KAZN: variants seen among roughly 807,000 people sequenced by gnomAD.
The protein encoded by KAZN is kazrin.
In KAZN, 40 loss-of-function variants were observed where a neutral mutation model predicts 87.4. The ratio of observed to expected loss-of-function variants is 0.46; its 90% confidence interval spans 0.36 to 0.60. The LOEUF is 0.60. Ranked by LOEUF, KAZN falls within the 20% of genes least tolerant of loss-of-function variation. The probability of loss-of-function intolerance (pLI) is 0.00; values close to 1 mark genes in which losing one functional copy is unlikely to be tolerated. For missense variants in KAZN, 898 were observed against 1,073.9 expected (o/e 0.84, Z 2.29); for synonymous variants, 466 against 458.3 (o/e 1.02, Z -0.22).
chr1:14,357,936 A>C (rs899061872), intron 2 of KAZN, among the ~76,000 whole-genome samples: 1 of 152,192 alleles, frequency 6.6e-6, no homozygotes, highest in Non-Finnish European at 1.5e-5. Flanking sequence ...AGCTGGCCTC[A>C]TTAAATTAGT....
chr1:13,895,323 G>A (rs1638995148), intron 1 of KAZN, among the ~76,000 whole-genome samples: 1 of 152,128 alleles, frequency 6.6e-6, no homozygotes, highest in South Asian at 2.1e-4. Flanking sequence ...AGGTTCCCTT[G>A]CCTTGCCTTT....
At chr1:15,001,838 C>T (rs993614359) in intron 2 of KAZN, among the ~76,000 whole-genome samples, 8 of 135,426 alleles carry the variant, frequency 5.9e-5, no homozygotes, top group East Asian at 2.3e-4. Context: ...ATTCTTCTGG[C>T]GATGTCCCTC....
intron 1 of KAZN, among the ~76,000 whole-genome samples, chr1:13,935,121 C>T (rs1012797970): frequency 1.3e-5 from 2 of 152,018 alleles, no homozygotes; most frequent in Non-Finnish European, 2.9e-5. Flanking sequence ...CCTGTAATCC[C>T]AGCTACTCGG....
chr1:14,023,432 G>GT (rs1640932883), intron 1 of KAZN, among the ~76,000 whole-genome samples: 1 of 152,174 alleles, frequency 6.6e-6, no homozygotes, highest in East Asian at 1.9e-4. Flanking sequence ...CTATGAGGAG[G>GT]TTTTATTAAC....
At chr1:14,075,790 G>A (rs201936660) in intron 1 of KAZN, among the ~76,000 whole-genome samples, 23 of 152,146 alleles carry the variant, frequency 1.5e-4, no homozygotes, top group Non-Finnish European at 2.9e-4. Flanking sequence ...TACACTGTAG[G>A]ATGTTTAGCA....
intron 2 of KAZN, among the ~76,000 whole-genome samples, chr1:14,187,965 T>C (rs1031114845): frequency 2.6e-5 from 4 of 152,146 alleles, no homozygotes; most frequent in Non-Finnish European, 5.9e-5. Context: ...TGCCAGCCTA[T>C]GGGGGAAACA....
intron 1 of KAZN, among the ~76,000 whole-genome samples, chr1:14,649,342 G>A (rs925011210): frequency 2.2e-5 from 3 of 139,124 alleles, no homozygotes; most frequent in Non-Finnish European, 3.2e-5. Context: ...TTTTACTGAT[G>A]GGGAATTAAG....
chr1:14,532,772 C>G (rs1008526618), intron 2 of KAZN, among the ~76,000 whole-genome samples: 1 of 151,840 alleles, frequency 6.6e-6, no homozygotes, highest in South Asian at 2.1e-4. Context: ...TTTCCAGTTT[C>G]ATCCATGTCC....
At chr1:14,117,754 T>A (rs1644659771) in intron 1 of KAZN, among the ~76,000 whole-genome samples, 1 of 152,160 alleles carries the variant, frequency 6.6e-6, no homozygotes, top group Admixed American at 6.5e-5. Context: ...CCCTAGTAAG[T>A]AAGACTGGTG....
intron 1 of KAZN, among the ~76,000 whole-genome samples, chr1:14,139,072 G>C (rs753304362): frequency 5.9e-5 from 9 of 152,158 alleles, no homozygotes; most frequent in Admixed American, 6.5e-5. Flanking sequence ...TGCCCATAGA[G>C]AGCACATTCG....
At position 14,268,361 on chromosome 1, in the gene KAZN, TTAA is replaced by T. The variant is rs1436492400; in HGVS notation, c.249+87773_249+87775del. ...ATATCCTCAGATGAATAGATTGAAG[TTAA>T]TAAGGTGAAAGAAATCCTCAGAAGA... On this transcript the variant is annotated intron_variant, in intron 2 of 16. Transcript: ENST00000636203. 4.0e-5 allele frequency among the ~76,000 whole-genome samples: 6 copies of T among 151,894 alleles called. No homozygotes were observed. In the East Asian group the frequency reaches 9.7e-4, roughly 25 times the overall value.
In KAZN at chr1:14,555,352, T is replaced by A. The variant is rs531469116; in HGVS notation, c.250-43631T>A. Among the ~76,000 whole-genome samples the A allele has an allele frequency of 3.3e-5, 5 of 152,334 alleles. No homozygotes were observed. The South Asian group carries it at 1.0e-3, about 32-fold the overall frequency. On this transcript the variant is annotated intron_variant, in intron 2 of 16. Coordinates refer to the KAZN transcript ENST00000636203. ...CAAAAGGGACATTTAGCAATTACAGTAATAGTGATTTGCCATTGGCACATT... is the reference window on the plus strand; with the variant it reads ...CAAAAGGGACATTTAGCAATTACAGAAATAGTGATTTGCCATTGGCACATT...
chr1:14,677,349 A>G (rs1487378873), intron 1 of KAZN, among the ~76,000 whole-genome samples: 1 of 152,148 alleles, frequency 6.6e-6, no homozygotes, highest in Non-Finnish European at 1.5e-5. Context: ...GGTTCTTAGG[A>G]CTTCACTGGT....
chr1:14,729,223 G>A (rs182723041), intron 1 of KAZN, among the ~76,000 whole-genome samples: 1 of 152,170 alleles, frequency 6.6e-6, no homozygotes, highest in Non-Finnish European at 1.5e-5. Context: ...TGGGGAAAAG[G>A]CCAGGCTGTC....
chr1:14,634,558 C>T (rs2148664532), intron 1 of KAZN, among the ~76,000 whole-genome samples: 1 of 152,336 alleles, frequency 6.6e-6, no homozygotes, highest in East Asian at 1.9e-4. Flanking sequence ...TAGCTCAGCT[C>T]TTGTCAGCTG....
At chr1:14,157,234 G>T (rs1430583091) in intron 1 of KAZN, among the ~76,000 whole-genome samples, 1 of 151,900 alleles carries the variant, frequency 6.6e-6, no homozygotes, top group Non-Finnish European at 1.5e-5. Flanking sequence ...ATTTTTGATT[G>T]TTTCATTATT....
At chr1:14,427,639 AT>A (rs1557714368) in intron 2 of KAZN, among the ~76,000 whole-genome samples, 10 of 49,226 alleles carry the variant, frequency 2.0e-4, no homozygotes, top group African/African-American at 1.1e-3. Context: ...ATGTGCACAC[AT>A]GTTAGTAAAA....
chr1:14,262,825 G>A (rs577333697), intron 2 of KAZN, among the ~76,000 whole-genome samples: 2 of 152,232 alleles, frequency 1.3e-5, no homozygotes, highest in East Asian at 3.9e-4. Context: ...TGAAATCTCC[G>A]GCAACACCAG....
At chr1:13,973,713 G>C (rs963584685) in intron 1 of KAZN, among the ~76,000 whole-genome samples, 3 of 152,160 alleles carry the variant, frequency 2.0e-5, no homozygotes, top group South Asian at 2.1e-4. Context: ...TGACAGTGTC[G>C]TGCATCTTCT....
Sources: allele counts gnomAD v4.1 joint callset (sites outside exome capture counted in the v4.1 genomes callset), GRCh38; gene constraint gnomAD v4.1.1; transcripts MANE v1.5; gene names NCBI Gene and HGNC (gene_info 2026-07-23, HGNC 2026-07-21).